Variants in CGNL1 observed in about 807,000 individuals in gnomAD.
CGNL1 encodes cingulin like 1, also known as cingulin-like protein 1.
Under a neutral mutation model 141.2 loss-of-function variants are expected in CGNL1, and 132 were observed. The observed-to-expected ratio is 0.93, with a 90% CI of 0.81 to 1.08. The LOEUF is 1.08. Among genes scored for constraint, CGNL1 ranks in the 50% least tolerant of loss-of-function variants. The probability of loss-of-function intolerance (pLI) is 0.00; values close to 1 mark genes in which losing one functional copy is unlikely to be tolerated. For synonymous variants in CGNL1, 690 were observed against 622.1 expected, an observed-to-expected ratio of 1.11 and a Z score of -1.63; for missense variants, 1,870 against 1,588.6, an observed-to-expected ratio of 1.18 and a Z score of -3.01.
rs549739340 is a variant in CGNL1 at position 57,395,042 on chromosome 15, C to T, written c.-16+18475C>T. On this transcript the variant is annotated intron_variant, in intron 1 of 18. Coordinates refer to ENST00000281282, the MANE Select transcript of CGNL1 (RefSeq NM_032866.5). ...AGGAAAACTGCTTGAACCTGGGAGG[C>T]GGAGGTTGCGGTGAGCTGAGATCAT... Among the ~76,000 whole-genome samples the T allele has an allele frequency of 5.3e-5, 8 of 152,286 alleles. No homozygotes were observed. The East Asian group carries it at 1.4e-3, about 26-fold the overall frequency.
At chr15:57,502,605 A>G (rs2064041401) in intron 8 of CGNL1, among the ~76,000 whole-genome samples, 2 of 152,214 alleles carry the variant, frequency 1.3e-5, no homozygotes, top group African/African-American at 4.8e-5. Flanking sequence ...TTTATCTGCC[A>G]TGCAGATAAT....
intron 8 of CGNL1, among the ~76,000 whole-genome samples, chr15:57,495,869 T>C (rs569507915): frequency 6.6e-6 from 1 of 152,342 alleles, no homozygotes; most frequent in African/African-American, 2.4e-5. Context: ...GGAAGACATC[T>C]ATTTTCATGT....
intron 4 of CGNL1, among the ~76,000 whole-genome samples, chr15:57,448,187 G>A (rs1462653661): frequency 3.9e-5 from 6 of 152,142 alleles, no homozygotes; most frequent in South Asian, 2.1e-4. Flanking sequence ...GCTCATGCTT[G>A]TAGTCATAAC....
chr15:57,534,348 CAG>C, intron 14 of CGNL1, among the ~76,000 whole-genome samples: 1 of 152,324 alleles, frequency 6.6e-6, no homozygotes, highest in East Asian at 1.9e-4. Context: ...GCCAATGAAA[CAG>C]AAACGCTGAT....
chr15:57,427,568 T>G (rs1813206776), intron 1 of CGNL1, among the ~76,000 whole-genome samples: 2 of 152,252 alleles, frequency 1.3e-5, no homozygotes, highest in African/African-American at 4.8e-5. Flanking sequence ...CCCTCACCCC[T>G]TTCCCTGATG....
At chr15:57,378,466 C>T (rs1412307027) in intron 1 of CGNL1, among the ~76,000 whole-genome samples, 1 of 148,184 alleles carries the variant, frequency 6.7e-6, no homozygotes, top group East Asian at 2.0e-4. Flanking sequence ...ACGGCAGCCT[C>T]GGCCTCCCTG....
chr15:57,378,376 T>G (rs1442506268), intron 1 of CGNL1, among the ~76,000 whole-genome samples: 6 of 108,570 alleles, frequency 5.5e-5, no homozygotes, highest in South Asian at 3.3e-4. Context: ...TTTTTTTTTT[T>G]TTTTTTTTTT....
chr15:57,430,354 T>G (rs1304856942), intron 1 of CGNL1, among the ~76,000 whole-genome samples: 1 of 152,314 alleles, frequency 6.6e-6, no homozygotes, highest in East Asian at 1.9e-4. Flanking sequence ...GGAGAAACTT[T>G]CAGAAATCAT....
chr15:57,516,090 C>T lies in CGNL1; in HGVS notation c.2404-690C>T, dbSNP rs887834274. Among the ~76,000 whole-genome samples, 8 of 137,740 alleles carry T rather than the reference C, an allele frequency of 5.8e-5. No homozygotes were observed. In the East Asian group the frequency reaches 1.4e-3, roughly 24 times the overall value. The allele number at this position is 137,740 out of a possible 152,430, so 90.4% of individuals were successfully genotyped here. On this transcript the variant is annotated intron_variant, in intron 8 of 18. Transcript: ENST00000281282. ...AGGAGAATGGTGTGAACCCAGGAGG[C>T]GGAGCTTGCAGTGAGCCGACATCGC...
intron 1 of CGNL1, among the ~76,000 whole-genome samples, chr15:57,414,542 G>A (rs1388799515): frequency 6.6e-6 from 1 of 152,136 alleles, no homozygotes; most frequent in African/African-American, 2.4e-5. Context: ...AGTCTGCAGT[G>A]TGGTTAACTG....
At chr15:57,545,224 A>G (rs1340199272) in intron 16 of CGNL1, among the ~76,000 whole-genome samples, 1 of 152,184 alleles carries the variant, frequency 6.6e-6, no homozygotes, top group Non-Finnish European at 1.5e-5. Flanking sequence ...TTGACACTTT[A>G]CATTATCTAT....
At chr15:57,466,736 A>G (rs1279056760) in intron 8 of CGNL1, among the ~76,000 whole-genome samples, 1 of 152,156 alleles carries the variant, frequency 6.6e-6, no homozygotes, top group African/African-American at 2.4e-5. Context: ...CAACCATTAG[A>G]CTGTTTTGGC....
At chr15:57,524,560 C>G (rs764408604) in intron 11 of CGNL1, 21 bp from the exon 12 acceptor site, 1 of 1,605,694 alleles carries the variant, frequency 6.2e-7, no homozygotes, top group African/African-American at 1.3e-5. Flanking sequence ...GGTGGGCTCA[C>G]ACCCGTGTCA....
chr15:57,419,320 C>T (rs1423622685), intron 1 of CGNL1, among the ~76,000 whole-genome samples: 4 of 152,228 alleles, frequency 2.6e-5, no homozygotes, highest in Admixed American at 1.3e-4. Context: ...ACAGAAACTA[C>T]ACCCAATTTC....
chr15:57,508,879 G>C (rs879848257), intron 8 of CGNL1, among the ~76,000 whole-genome samples: 3 of 152,206 alleles, frequency 2.0e-5, no homozygotes, highest in Non-Finnish European at 2.9e-5. Context: ...AGATCTCTAG[G>C]TAATTCATTA....
intron 13 of CGNL1, among the ~76,000 whole-genome samples, chr15:57,529,785 A>C (rs545148105): frequency 1.1e-4 from 17 of 152,388 alleles, no homozygotes; most frequent in African/African-American, 4.1e-4. Flanking sequence ...TTCCTGATTC[A>C]ACTTTGCAAA....
intron 1 of CGNL1, among the ~76,000 whole-genome samples, chr15:57,429,907 C>G (rs923435898): frequency 6.6e-6 from 1 of 152,190 alleles, no homozygotes; most frequent in African/African-American, 2.4e-5. Flanking sequence ...CCTCTCTGGG[C>G]TCAGCTGATC....
chr15:57,408,024 G>A (rs2062742783), intron 1 of CGNL1, among the ~76,000 whole-genome samples: 1 of 152,004 alleles, frequency 6.6e-6, no homozygotes, highest in Non-Finnish European at 1.5e-5. Flanking sequence ...GCTGGCATTA[G>A]AGGTGTGAGC....
intron 1 of CGNL1, among the ~76,000 whole-genome samples, chr15:57,420,537 AT>A (rs1567106179): frequency 6.6e-6 from 1 of 152,210 alleles, no homozygotes; most frequent in African/African-American, 2.4e-5. Flanking sequence ...TAATTGTTCA[AT>A]TCCACTATAC....
Sources: allele counts gnomAD v4.1 joint callset (sites outside exome capture counted in the v4.1 genomes callset), GRCh38; gene constraint gnomAD v4.1.1; transcripts MANE v1.5; gene names NCBI Gene and HGNC (gene_info 2026-07-23, HGNC 2026-07-21).